Variants in CLDN14 observed in about 807,000 individuals in gnomAD.
The protein encoded by CLDN14 is claudin-14.
Under a neutral mutation model 2.1 loss-of-function variants are expected in CLDN14, and 2 were observed. The ratio of observed to expected loss-of-function variants is 0.96; its 90% CI spans 0.39 to 3.01. The LOEUF is 3.01. CLDN14 is among the 30% of genes most tolerant of loss of function. CLDN14 has a pLI of 0.09. For missense variants in CLDN14, 298 were observed against 328.0 expected, an observed-to-expected ratio of 0.91 and a Z score of 0.71; for synonymous variants, 136 against 154.4, an observed-to-expected ratio of 0.88 and a Z score of 0.88.
rs1179573395 is a variant in CLDN14 at position 36,544,677 on chromosome 21, C to T, written c.-220+31734G>A. Among the ~76,000 whole-genome samples the T allele has an allele frequency of 1.3e-5, 2 of 152,198 alleles. No homozygotes were observed. Among genetic ancestry groups the T allele is most frequent in the African/African-American group, 2.4e-5 (1 of 41,448 alleles). On this transcript the variant is annotated intron_variant, in intron 1 of 2. Coordinates refer to the CLDN14 transcript ENST00000342108. The surrounding 1 kb of genome is among the most constrained non-coding windows in gnomAD (Gnocchi z 4.1). The stretch of plus-strand genomic sequence containing the variant: ...TGGACTTTGAAATGAACTCTTTACA[C>T]CTCCTTCCTGCTGACCCGACTGCAA...
intron 1 of CLDN14, among the ~76,000 whole-genome samples, chr21:36,564,164 C>T (rs573643842): frequency 6.6e-6 from 1 of 152,194 alleles, no homozygotes. Context: ...TGTTTGTCAG[C>T]AAAATTAGCC....
chr21:36,529,806 TA>T, intron 1 of CLDN14, among the ~76,000 whole-genome samples: 1 of 152,366 alleles, frequency 6.6e-6, no homozygotes, highest in Admixed American at 6.5e-5. Flanking sequence ...TTTGTTAGTC[TA>T]AAAATTAATT....
intron 1 of CLDN14, among the ~76,000 whole-genome samples, chr21:36,463,728 AAAATG>A (rs533056471): frequency 8.8e-4 from 134 of 152,346 alleles, no homozygotes; most frequent in Middle Eastern, 3.4e-3. Context: ...TAAATAAAAT[AAAATG>A]AAATAAAATA....
chr21:36,556,363 C>T (rs1239191940), intron 1 of CLDN14, among the ~76,000 whole-genome samples: 1 of 152,174 alleles, frequency 6.6e-6, no homozygotes, highest in Non-Finnish European at 1.5e-5. Flanking sequence ...TGGAGTGCTG[C>T]CCATGGTGGC....
chr21:36,530,989 G>A (rs2087374850), intron 1 of CLDN14, among the ~76,000 whole-genome samples: 1 of 152,204 alleles, frequency 6.6e-6, no homozygotes, highest in South Asian at 2.1e-4. Flanking sequence ...CCAGCACTTC[G>A]GGAAGCCCAG....
rs137986347 is a variant in CLDN14, at chr21:36,569,236, T to G, written c.-220+7175A>C. On this transcript the variant is annotated intron_variant, in intron 1 of 2. Coordinates refer to the CLDN14 transcript ENST00000342108. ...TTCGAGACCAGCCTGCCCAATATGG[T>G]GAAACCCCATCTCTACTAAAAATAC... Among the ~76,000 whole-genome samples the G allele has an allele frequency of 1.5e-3, 230 of 152,220 alleles. 1 individual carries two copies. The highest frequency in any genetic ancestry group is 5.5e-3 in the African/African-American group (227 of 41,540).
At chr21:36,546,037 C>T (rs542607396) in intron 1 of CLDN14, among the ~76,000 whole-genome samples, 6 of 152,162 alleles carry the variant, frequency 3.9e-5, no homozygotes, top group Non-Finnish European at 8.8e-5. Flanking sequence ...AGACTGTAAC[C>T]TGGGACTTAT....
At chr21:36,489,135 T>A (rs867392156) in intron 2 of CLDN14, among the ~76,000 whole-genome samples, 5,349 of 83,536 alleles carry the variant, frequency 0.064, 315 homozygotes, top group East Asian at 0.32. Flanking sequence ...AAAAAAAATA[T>A]ATATATATAT....
At chr21:36,500,312 C>G (rs891235454) in intron 2 of CLDN14, among the ~76,000 whole-genome samples, 24 of 152,202 alleles carry the variant, frequency 1.6e-4, no homozygotes, top group African/African-American at 5.5e-4. Flanking sequence ...TTTGCAGCCT[C>G]GGACCTGTTA....
chr21:36,464,614 C>T (rs2086622715), intron 1 of CLDN14, among the ~76,000 whole-genome samples: 1 of 152,218 alleles, frequency 6.6e-6, no homozygotes, highest in South Asian at 2.1e-4. Context: ...GGCAACAAGG[C>T]CAAGGTGGCC....
At chr21:36,474,051 A>T (rs2086744243) in intron 1 of CLDN14, among the ~76,000 whole-genome samples, 1 of 152,156 alleles carries the variant, frequency 6.6e-6, no homozygotes, top group Admixed American at 6.6e-5. Context: ...GGACAGAGGG[A>T]CAGGAGGGAA....
At chr21:36,506,796 G>C (rs2087137560) in intron 2 of CLDN14, among the ~76,000 whole-genome samples, 1 of 151,934 alleles carries the variant, frequency 6.6e-6, no homozygotes, top group Non-Finnish European at 1.5e-5. Context: ...CAATTTAATA[G>C]GGAGCAAGGT....
upstream of CLDN14, among the ~76,000 whole-genome samples, chr21:36,481,953 C>T (rs1338521597): frequency 2.0e-5 from 3 of 152,150 alleles, no homozygotes; most frequent in South Asian, 4.1e-4. Flanking sequence ...ACACACAGAG[C>T]GAGGGAAAAT....
chr21:36,492,936 C>CT (rs2086982802), intron 2 of CLDN14, among the ~76,000 whole-genome samples: 1 of 152,200 alleles, frequency 6.6e-6, no homozygotes, highest in Non-Finnish European at 1.5e-5. Flanking sequence ...AGGAAGCTCT[C>CT]TGAGTCCCCC....
upstream of CLDN14, among the ~76,000 whole-genome samples, chr21:36,483,911 C>T (rs1002910883): frequency 1.3e-5 from 2 of 152,124 alleles, no homozygotes; most frequent in African/African-American, 4.8e-5. Flanking sequence ...AGAACTAGGC[C>T]AATTGCAATA....
intron 2 of CLDN14, among the ~76,000 whole-genome samples, chr21:36,504,970 C>T (rs1221603082): frequency 6.6e-6 from 1 of 152,112 alleles, no homozygotes; most frequent in Non-Finnish European, 1.5e-5. Context: ...TGGGCATTGA[C>T]CCAGGCCCTC....
intron 1 of CLDN14, among the ~76,000 whole-genome samples, chr21:36,540,670 C>T (rs755416064): frequency 4.0e-5 from 6 of 151,668 alleles, no homozygotes; most frequent in Non-Finnish European, 5.9e-5. Flanking sequence ...GACTGGGGGG[C>T]AGGGCTCCAG....
chr21:36,473,590 G>A (rs1160986053), intron 1 of CLDN14, among the ~76,000 whole-genome samples: 4 of 152,192 alleles, frequency 2.6e-5, no homozygotes, highest in Non-Finnish European at 2.9e-5. Flanking sequence ...TACCCACCTG[G>A]GGATAACCAT....
intron 1 of CLDN14, among the ~76,000 whole-genome samples, chr21:36,535,746 T>C (rs1181578133): frequency 1.3e-5 from 2 of 152,198 alleles, no homozygotes; most frequent in African/African-American, 4.8e-5. Context: ...TTTTTCTCTG[T>C]GGCCAACAAT....
Sources: gnomAD v4.1 joint callset for allele counts (sites outside exome capture counted in the v4.1 genomes callset) on GRCh38, gnomAD v4.1.1 for gene constraint, Gnocchi (gnomAD v3.1) non-coding constraint, MANE v1.5 for transcripts, NCBI Gene and HGNC (gene_info 2026-07-23, HGNC 2026-07-21) for gene names.